Variants in KIRREL3 observed in about 807,000 individuals in gnomAD.
The protein encoded by KIRREL3 is kin of IRRE-like protein 3.
A neutral mutation model predicts 89.7 loss-of-function variants in KIRREL3; 36 were observed. The observed-to-expected ratio is 0.40, with a 90% CI of 0.31 to 0.53. The LOEUF (loss-of-function observed/expected upper bound fraction) is 0.53, where lower values mean the gene tolerates loss of function less well. Among genes scored for constraint, KIRREL3 ranks in the 20% least tolerant of loss-of-function variants. The pLI is 0.49. For missense variants in KIRREL3, 864 were observed against 1,056.6 expected (o/e 0.82, Z 2.53); for synonymous variants, 445 against 441.4 (o/e 1.01, Z -0.10).
intron 1 of KIRREL3, among the ~76,000 whole-genome samples, chr11:126,733,246 C>T (rs187411879): frequency 2.1e-4 from 32 of 152,316 alleles, no homozygotes; most frequent in African/African-American, 7.7e-4. Context: ...GGGCTATGCA[C>T]ACAGCTGGAG....
rs1940228532 is a variant in KIRREL3, at chr11:126,562,834, CCTT to C, written c.131_133del (p.Glu44del). On this transcript the variant is annotated inframe_deletion and splice_region_variant, in exon 2 of 17. Transcript: ENST00000525144. The surrounding 1 kb of genome is among the most constrained non-coding windows in gnomAD (Gnocchi z 4.7). Reference sequence around the variant, plus strand: ...GAGACAATGGGGAGGTTCTCACTGACCTTCATTCATTCTCCGAAACTTGTCCTT... The same window carrying C: ...GAGACAATGGGGAGGTTCTCACTGACCATTCATTCTCCGAAACTTGTCCTT... The C allele has an allele frequency of 6.2e-7, 1 of 1,613,324 alleles. No homozygotes were observed. Among genetic ancestry groups the C allele is most frequent in the Non-Finnish European group, 8.5e-7 (1 of 1,179,482 alleles).
In KIRREL3 at chr11:126,708,082, T is replaced by A. The variant is rs1426523535; in HGVS notation, c.56-145170A>T. 6.6e-6 allele frequency among the ~76,000 whole-genome samples: 1 copy of A among 152,168 alleles called. No homozygotes were observed. Among genetic ancestry groups the A allele is most frequent in the Non-Finnish European group, 1.5e-5 (1 of 68,032 alleles). On this transcript the variant is annotated intron_variant, in intron 1 of 16. Coordinates refer to ENST00000525144, the MANE Select transcript of KIRREL3 (RefSeq NM_032531.4). This position sits in a 1 kb window ranked among gnomAD's most constrained non-coding sequence, Gnocchi z 5.7. Reference sequence around the variant, plus strand: ...GATGATCTCCATAGGTCCCAGGGTATCCGTGCCCCGTTTGATCAGAAAGAA... The same window carrying A: ...GATGATCTCCATAGGTCCCAGGGTAACCGTGCCCCGTTTGATCAGAAAGAA...
intron 1 of KIRREL3, among the ~76,000 whole-genome samples, chr11:126,847,310 T>C (rs1944180724): frequency 6.6e-6 from 1 of 151,912 alleles, no homozygotes. Flanking sequence ...TTATCAGTAA[T>C]AATAAGAATT....
Position 126,776,347 on chromosome 11 carries a change from C to T in KIRREL3, c.56-213435G>A, listed in dbSNP as rs1367934307. 6.6e-6 allele frequency among the ~76,000 whole-genome samples: 1 copy of T among 152,198 alleles called. No homozygotes were observed. The highest frequency in any genetic ancestry group is 2.1e-4 in the South Asian group (1 of 4,826). On this transcript the variant is annotated intron_variant, in intron 1 of 16. Transcript: ENST00000525144. The surrounding 1 kb of genome is among the most constrained non-coding windows in gnomAD (Gnocchi z 4.7). ...GAACACTAGCCTGAGAGTCAAAACA[C>T]CTGGGCTTCAGGTCTGTCTTACGCA...
chr11:126,937,300 C>T (rs917506823), intron 1 of KIRREL3: 1 of 152,234 alleles, frequency 6.6e-6, no homozygotes, highest in Admixed American at 6.5e-5. Context: ...TATCACTTGC[C>T]AGTTGACTGG....
chr11:126,590,569 G>C (rs1194612731), intron 1 of KIRREL3, among the ~76,000 whole-genome samples: 2 of 152,232 alleles, frequency 1.3e-5, no homozygotes, highest in African/African-American at 4.8e-5. Flanking sequence ...AGACGAAAGA[G>C]AACATGGTCT....
At chr11:126,786,489 C>T (rs1431846508) in intron 1 of KIRREL3, among the ~76,000 whole-genome samples, 2 of 152,062 alleles carry the variant, frequency 1.3e-5, no homozygotes, top group African/African-American at 4.8e-5. Context: ...TGTAGAAACA[C>T]ATAATAATGG....
At chr11:126,439,982 G>A (rs1202855327) in intron 11 of KIRREL3, among the ~76,000 whole-genome samples, 1 of 152,088 alleles carries the variant, frequency 6.6e-6, no homozygotes, top group African/African-American at 2.4e-5. Context: ...CTTTAGAGGG[G>A]ACGATTGATA....
rs142323872 is a variant in KIRREL3 at position 126,496,269 on chromosome 11, G to C, written c.434-22803C>G. Among the ~76,000 whole-genome samples, 2 of 152,332 alleles carry C rather than the reference G, an allele frequency of 1.3e-5. No homozygotes were observed. The highest frequency in any genetic ancestry group is 1.9e-4 in the East Asian group (1 of 5,190). On this transcript the variant is annotated intron_variant, in intron 4 of 16. Coordinates refer to ENST00000525144, the MANE Select transcript of KIRREL3 (RefSeq NM_032531.4). The surrounding 1 kb of genome is among the most constrained non-coding windows in gnomAD (Gnocchi z 4.9). Reference sequence around the variant, plus strand: ...TCGGAACATTGAGAGGCACTGTGCTGTTTGCAAAATGCTTTCTATACACGT... The same window carrying C: ...TCGGAACATTGAGAGGCACTGTGCTCTTTGCAAAATGCTTTCTATACACGT...
intron 1 of KIRREL3, among the ~76,000 whole-genome samples, chr11:126,799,449 C>CGT (rs1950957047): frequency 1.4e-3 from 1 of 732 alleles, no homozygotes; most frequent in African/African-American, 6.4e-3. Context: ...TGTGTGCATG[C>CGT]ATCTCTGTGT....
rs77424913 is a variant in KIRREL3 at position 126,998,221 on chromosome 11, C to T, written c.55+2234G>A. Among the ~76,000 whole-genome samples the T allele has an allele frequency of 6.3e-3, 966 of 152,316 alleles. 16 individuals carry two copies. The highest frequency in any genetic ancestry group is 0.02 in the African/African-American group (847 of 41,560). On this transcript the variant is annotated intron_variant, in intron 1 of 16. Coordinates refer to ENST00000525144, the MANE Select transcript of KIRREL3 (RefSeq NM_032531.4). Reference sequence around the variant, plus strand: ...GGGGAATTCATAATGCTCAAAACAACATCCACATAAACAAATTTCCACAGA... The same window carrying T: ...GGGGAATTCATAATGCTCAAAACAATATCCACATAAACAAATTTCCACAGA...
In KIRREL3 at chr11:126,666,624, G is replaced by A. The variant is rs1257240231; in HGVS notation, c.56-103712C>T. ...TATCAATGATTTGTGCTGCCTGCTT[G>A]TCGAGTCTGTTTACCAACTTGGCTT... On this transcript the variant is annotated intron_variant, in intron 1 of 16. Coordinates refer to ENST00000525144, the MANE Select transcript of KIRREL3 (RefSeq NM_032531.4). This position sits in a 1 kb window ranked among gnomAD's most constrained non-coding sequence, Gnocchi z 4.2. Among the ~76,000 whole-genome samples the A allele has an allele frequency of 6.6e-6, 1 of 152,174 alleles. No individual in the cohort carries two copies. The highest frequency in any genetic ancestry group is 1.5e-5 in the Non-Finnish European group (1 of 68,038).
rs570673338 is a variant in KIRREL3 at position 126,558,138 on chromosome 11, C to A, written c.133+4697G>T. Among the ~76,000 whole-genome samples, 2 of 152,174 alleles carry A rather than the reference C, an allele frequency of 1.3e-5. No individual in the cohort carries two copies. The highest frequency in any genetic ancestry group is 6.5e-5 in the Admixed American group (1 of 15,286). ...AGGGAGGAGTACCCTCCTGTGCAGG[C>A]CCCCCTCTGCCCCAAGGGGATGGCT... On this transcript the variant is annotated intron_variant, in intron 2 of 16. Transcript: ENST00000525144. This position sits in a 1 kb window ranked among gnomAD's most constrained non-coding sequence, Gnocchi z 4.0.
chr11:126,492,345 G>A lies in KIRREL3; in HGVS notation c.434-18879C>T, dbSNP rs1466787234. On this transcript the variant is annotated intron_variant, in intron 4 of 16. Transcript: ENST00000525144. The surrounding 1 kb of genome is among the most constrained non-coding windows in gnomAD (Gnocchi z 4.8). ...ATGAGGGATGAGGTGGATGTGACAA[G>A]GTGACATGACCCTAAGGCAGGGGGA... Among the ~76,000 whole-genome samples, 1 of 152,154 alleles carries A rather than the reference G, an allele frequency of 6.6e-6. No individual in the cohort carries two copies. The highest frequency in any genetic ancestry group is 2.4e-5 in the African/African-American group (1 of 41,450).
chr11:126,590,903 C>T (rs149401929), intron 1 of KIRREL3, among the ~76,000 whole-genome samples: 14 of 152,326 alleles, frequency 9.2e-5, no homozygotes, highest in Admixed American at 2.0e-4. Flanking sequence ...CTCATTTCAC[C>T]CATTCTCTTG....
Position 126,886,821 on chromosome 11 carries a change from G to A in KIRREL3, c.55+113634C>T, listed in dbSNP as rs113144181. ...ATTGTCTTTTGAATAACAGCTGGAG[G>A]GAGGCCTCTTTTATGAGCTGAGAAT... On this transcript the variant is annotated intron_variant, in intron 1 of 16. Coordinates refer to ENST00000525144, the MANE Select transcript of KIRREL3 (RefSeq NM_032531.4). Among the ~76,000 whole-genome samples the A allele has an allele frequency of 4.3e-3, 649 of 152,258 alleles. 10 individuals carry two copies. The highest frequency in any genetic ancestry group is 0.014 in the African/African-American group (574 of 41,546).
intron 1 of KIRREL3, among the ~76,000 whole-genome samples, chr11:126,914,470 T>C (rs1946957276): frequency 6.6e-6 from 1 of 152,206 alleles, no homozygotes; most frequent in African/African-American, 2.4e-5. Flanking sequence ...CCCATACAGA[T>C]TGTGAGGACA....
At chr11:126,450,351 ATGTGCATG>A (rs1197792861) in intron 7 of KIRREL3, among the ~76,000 whole-genome samples, 1 of 136,182 alleles carries the variant, frequency 7.3e-6, no homozygotes, top group African/African-American at 2.8e-5. Flanking sequence ...ATGTGTGTCC[ATGTGCATG>A]TGTGCATGTG....
intron 1 of KIRREL3, among the ~76,000 whole-genome samples, chr11:126,982,098 A>G (rs1483632606): frequency 1.3e-5 from 2 of 152,178 alleles, no homozygotes; most frequent in Admixed American, 6.5e-5. Context: ...CCCAGCCTCA[A>G]TGCTCCCACC....
Sources: allele counts gnomAD v4.1 joint callset (sites outside exome capture counted in the v4.1 genomes callset), GRCh38; gene constraint gnomAD v4.1.1; non-coding constraint Gnocchi (gnomAD v3.1); transcripts MANE v1.5; gene names NCBI Gene and HGNC (gene_info 2026-07-23, HGNC 2026-07-21).